GBF1: variants seen among roughly 807,000 people sequenced by gnomAD.
GBF1 encodes golgi brefeldin A resistant guanine nucleotide exchange factor 1.
In GBF1, 114 loss-of-function variants were observed where a neutral mutation model predicts 210.5. The ratio of observed to expected loss-of-function variants is 0.54; its 90% CI spans 0.47 to 0.63. GBF1 has a LOEUF of 0.63. Ranked by LOEUF, GBF1 falls within the 30% of genes least tolerant of loss-of-function variation. The probability of loss-of-function intolerance (pLI) is 0.00; values close to 1 mark genes in which losing one functional copy is unlikely to be tolerated. For synonymous variants in GBF1, 850 were observed against 889.2 expected (o/e 0.96, Z 0.78); for missense variants, 1,851 against 2,357.7 (o/e 0.79, Z 4.45).
At chr10:102,274,294 A>G (rs1311056000) in intron 3 of GBF1, among the ~76,000 whole-genome samples, 1 of 152,126 alleles carries the variant, frequency 6.6e-6, no homozygotes, top group African/African-American at 2.4e-5. Flanking sequence ...TGGTCAAAAG[A>G]ATAGCATTGG....
intron 3 of GBF1, among the ~76,000 whole-genome samples, chr10:102,279,340 C>T (rs2075280533): frequency 6.6e-6 from 1 of 152,220 alleles, no homozygotes; most frequent in Non-Finnish European, 1.5e-5. Context: ...CTAAGCCAGA[C>T]TGACAACAGC....
intron 3 of GBF1, among the ~76,000 whole-genome samples, chr10:102,320,705 G>A (rs972900619): frequency 2.0e-5 from 3 of 152,068 alleles, no homozygotes; most frequent in African/African-American, 7.2e-5. Context: ...AGGCTGAGAA[G>A]CAATCTGTTA....
intron 29 of GBF1, among the ~76,000 whole-genome samples, chr10:102,371,739 G>T (rs917176969): frequency 6.6e-6 from 1 of 151,950 alleles, no homozygotes; most frequent in African/African-American, 2.4e-5. Flanking sequence ...GGCCAGCCTG[G>T]CCAACATGGT....
Position 102,360,397 on chromosome 10 carries a change from T to C in GBF1, c.1392+2T>C. On this transcript the variant is annotated splice_donor_variant, in intron 12 of 39. Transcript: ENST00000369983. LOFTEE classifies it high-confidence loss of function. ...GAGATGTGCCGTCACTTATTCCAGG[T>C]AAGACAAGATTGCTAGAGGGTCTCA... 2 of 1,592,312 alleles carry C rather than the reference T, an allele frequency of 1.3e-6. No homozygotes were observed. Among genetic ancestry groups the C allele is most frequent in the Non-Finnish European group, 1.7e-6 (2 of 1,160,414 alleles).
rs191030348 is a variant in GBF1 at position 102,279,091 on chromosome 10, G to T, written c.163+18975G>T. The stretch of plus-strand genomic sequence containing the variant: ...TTGCTTAAAATACTTGTTCTTAGGT[G>T]GACACAAACTGTCTTTCTAGCTTGC... On this transcript the variant is annotated intron_variant, in intron 3 of 39. Coordinates refer to ENST00000369983, the MANE Select transcript of GBF1 (RefSeq NM_001377137.1). Among the ~76,000 whole-genome samples, 4 of 152,200 alleles carry T rather than the reference G, an allele frequency of 2.6e-5. No homozygotes were observed. In the South Asian group the frequency reaches 8.3e-4, roughly 32 times the overall value.
chr10:102,257,334 T>G (rs2072549906), intron 1 of GBF1, among the ~76,000 whole-genome samples: 1 of 152,062 alleles, frequency 6.6e-6, no homozygotes, highest in South Asian at 2.1e-4. Context: ...TTAGAGATAG[T>G]GTCTTGCTCT....
At position 102,366,819 on chromosome 10, in the gene GBF1, C is replaced by T. The variant is rs987552364; in HGVS notation, c.2434-266C>T. 2.6e-5 allele frequency among the ~76,000 whole-genome samples: 4 copies of T among 152,098 alleles called. No homozygotes were observed. Among genetic ancestry groups the T allele is most frequent in the Non-Finnish European group, 5.9e-5 (4 of 68,016 alleles). ...CAGGCTGGTCTCGAACTCCTGATCT[C>T]GGGTGATCCGCCCACCTCGGCCTCC... On this transcript the variant is annotated intron_variant, in intron 19 of 39. Transcript: ENST00000369983. The surrounding 1 kb of genome is among the most constrained non-coding windows in gnomAD (Gnocchi z 4.0).
At chr10:102,258,610 A>T (rs1017543276) in intron 1 of GBF1, among the ~76,000 whole-genome samples, 22 of 150,024 alleles carry the variant, frequency 1.5e-4, no homozygotes, top group Admixed American at 1.3e-3. Context: ...CGTCTCTTCT[A>T]AAAAAAATAC....
chr10:102,351,505 C>G lies in GBF1; in HGVS notation c.414+131C>G, dbSNP rs144263250. The G allele has an allele frequency of 4.0e-5, 26 of 657,394 alleles. No homozygotes were observed. In the African/African-American group the frequency reaches 4.3e-4, roughly 11 times the overall value. 40.7% of individuals were successfully genotyped at this position (657,394 alleles called of 1,614,324 possible). A position where few individuals can be genotyped will look rare whatever the true frequency, so the allele number is the denominator to read the frequency against. On this transcript the variant is annotated intron_variant, in intron 5 of 39. Coordinates refer to ENST00000369983, the MANE Select transcript of GBF1 (RefSeq NM_001377137.1). ...TTAGGGGAGCTACTTTGTTTCCAGA[C>G]AAGCAGCTGGGGTACCCAAAGTAAA...
intron 3 of GBF1, among the ~76,000 whole-genome samples, chr10:102,290,981 A>C (rs1324791436): frequency 6.6e-6 from 1 of 152,066 alleles, no homozygotes; most frequent in African/African-American, 2.4e-5. Context: ...CATTTTCTCA[A>C]GTGTTTTACT....
the GBF1 span, chr10:102,231,147 A>G: frequency 1.4e-6 from 2 of 1,467,212 alleles, no homozygotes; most frequent in South Asian, 2.8e-5. Context: ...GCCGGGTCCC[A>G]GCGGCTGAAG....
At chr10:102,233,305 T>TTC in the GBF1 span, among the ~76,000 whole-genome samples, 1 of 17,028 alleles carries the variant, frequency 5.9e-5, no homozygotes, top group Non-Finnish European at 1.0e-4. Flanking sequence ...TTTTTCCTTC[T>TTC]TTTTTTTTTT....
At chr10:102,238,209 C>T in the GBF1 span, among the ~76,000 whole-genome samples, 1 of 152,132 alleles carries the variant, frequency 6.6e-6, no homozygotes. Context: ...CCATGGACAC[C>T]CTAGACACCC....
At chr10:102,364,064 G>T (rs1251886835) in intron 17 of GBF1, among the ~76,000 whole-genome samples, 2 of 152,116 alleles carry the variant, frequency 1.3e-5, no homozygotes, top group Admixed American at 1.3e-4. Flanking sequence ...AGTGACAGGA[G>T]CCTTGGGAGT....
rs543603553 is a variant in GBF1 at position 102,348,552 on chromosome 10, G to T, written c.296-2704G>T. The stretch of plus-strand genomic sequence containing the variant: ...TTCCTATGTGGGCCCTGGTGGCCTG[G>T]GTAGGGACTGTCAGGCAGGGCTATG... On this transcript the variant is annotated intron_variant, in intron 4 of 39. Transcript: ENST00000369983. Among the ~76,000 whole-genome samples the T allele has an allele frequency of 9.1e-4, 139 of 152,352 alleles. 1 individual carries two copies. The highest frequency in any genetic ancestry group is 3.2e-3 in the African/African-American group (133 of 41,592).
chr10:102,264,773 T>C (rs1161801502), intron 3 of GBF1, among the ~76,000 whole-genome samples: 1 of 152,242 alleles, frequency 6.6e-6, no homozygotes, highest in Non-Finnish European at 1.5e-5. Flanking sequence ...AGAGGCAATG[T>C]AAATGTTAGG....
Position 102,366,605 on chromosome 10 carries a change from G to A in GBF1, c.2433+99G>A. 1.4e-6 allele frequency: 1 copy of A among 719,972 alleles called. No individual in the cohort carries two copies. The highest frequency in any genetic ancestry group is 2.0e-6 in the Non-Finnish European group (1 of 498,642). The allele number at this position is 719,972 out of a possible 1,614,324, so 44.6% of individuals were successfully genotyped here. A position where few individuals can be genotyped will look rare whatever the true frequency, so the allele number is the denominator to read the frequency against. ...GTCTCTTTTTTTTTTTTTTTTTTTT[G>A]AGACAGAGTCTCGCTCTGTCACCCA... On this transcript the variant is annotated intron_variant, in intron 19 of 39. Coordinates refer to ENST00000369983, the MANE Select transcript of GBF1 (RefSeq NM_001377137.1). The surrounding 1 kb of genome is among the most constrained non-coding windows in gnomAD (Gnocchi z 4.0).
chr10:102,232,130 G>A, the GBF1 span: 1 of 1,185,686 alleles, frequency 8.4e-7, no homozygotes, highest in South Asian at 1.3e-5. Flanking sequence ...GGTAATGGGG[G>A]TAAAATCTCC....
chr10:102,332,718 A>G (rs1170537876), intron 3 of GBF1, among the ~76,000 whole-genome samples: 2 of 152,080 alleles, frequency 1.3e-5, no homozygotes, highest in East Asian at 3.9e-4. Context: ...GGTTGGTACC[A>G]TTATCTTCTA....
Sources: gnomAD v4.1 joint callset for allele counts (sites outside exome capture counted in the v4.1 genomes callset) on GRCh38, gnomAD v4.1.1 for gene constraint, Gnocchi (gnomAD v3.1) non-coding constraint, MANE v1.5 for transcripts, NCBI Gene and HGNC (gene_info 2026-07-23, HGNC 2026-07-21) for gene names.